EPOR: variants seen among roughly 807,000 people sequenced by gnomAD.
EPOR encodes the protein erythropoietin receptor.
Under a neutral mutation model 34.3 loss-of-function variants are expected in EPOR, and 20 were observed. The observed-to-expected ratio is 0.58, with a 90% CI of 0.41 to 0.85. The LOEUF (loss-of-function observed/expected upper bound fraction) is 0.85, where lower values mean the gene tolerates loss of function less well. Ranked by LOEUF, EPOR falls within the 40% of genes least tolerant of loss-of-function variation. The probability of loss-of-function intolerance (pLI) is 0.00; values close to 1 mark genes in which losing one functional copy is unlikely to be tolerated. For synonymous variants in EPOR, 312 were observed against 299.0 expected (o/e 1.04, Z -0.45); for missense variants, 601 against 672.7 (o/e 0.89, Z 1.18).
intron 6 of EPOR, 97 bp downstream of exon 6, chr19:11,380,787 G>A: frequency 1.0e-6 from 1 of 990,488 alleles, no homozygotes; most frequent in Admixed American, 2.0e-5. Context: ...CGTGACCTTG[G>A]GCAAGTGCGT....
intron 2 of EPOR, chr19:11,382,837 A>G (rs1356032746): frequency 1.4e-5 from 21 of 1,471,534 alleles, no homozygotes; most frequent in Non-Finnish European, 1.8e-5. Flanking sequence ...CCGACGTAGT[A>G]ACGCCTTACC....
rs755572218 is a variant in EPOR at position 11,384,139 on chromosome 19, G to A, written c.69C>T (p.Ala23=). ...CCGGGAGGTTAGGCGGGGGCGCCCAGGCGGCCCCAGCGAGCAGGAGACAAA... is the reference window on the plus strand; with the variant it reads ...CCGGGAGGTTAGGCGGGGGCGCCCAAGCGGCCCCAGCGAGCAGGAGACAAA... ...GSLCLLLAGA[A]WAPPPNLPDP... The change falls in exon 1 of 8, where the codon GCC becomes GCT. Residue 23 remains alanine, a synonymous_variant. Transcript: ENST00000222139. 32 of 1,550,202 alleles carry A rather than the reference G, an allele frequency of 2.1e-5. No individual in the cohort carries two copies. The highest frequency in any genetic ancestry group is 1.0e-5 in the Non-Finnish European group (12 of 1,146,724).
rs890560691 is a variant in EPOR, at chr19:11,384,264, G to A, written c.-57C>T. 7 of 1,197,208 alleles carry A rather than the reference G, an allele frequency of 5.8e-6. No homozygotes were observed. Among genetic ancestry groups the A allele is most frequent in the Non-Finnish European group, 8.4e-6 (7 of 837,044 alleles). 74.2% of individuals were successfully genotyped at this position (1,197,208 alleles called of 1,614,324 possible). On this transcript the variant is annotated 5_prime_UTR_variant, in exon 1 of 8. Coordinates refer to ENST00000222139, the MANE Select transcript of EPOR (RefSeq NM_000121.4). ...TCCTGCCCCTCCGTCCCCCGCCCCC[G>A]GCACAGTCCACAGCTGGGTCAGCAG...
chr19:11,381,025 G>C lies in EPOR; in HGVS notation c.739+31C>G. 1 of 1,581,358 alleles carries C rather than the reference G, an allele frequency of 6.3e-7. No homozygotes were observed. The highest frequency in any genetic ancestry group is 8.6e-7 in the Non-Finnish European group (1 of 1,163,242). ...TGGGCTTGCCCCGTGATTCGCCCTG[G>C]CTCCTCCTACACCCCCGCCTGGGGC... On this transcript the variant is annotated intron_variant, in intron 5 of 7. Transcript: ENST00000222139. The surrounding 1 kb of genome is among the most constrained non-coding windows in gnomAD (Gnocchi z 5.3).
rs951996123 is a variant in EPOR, at chr19:11,381,235, C to A, written c.586-26G>T. The A allele has an allele frequency of 4.5e-6, 7 of 1,548,560 alleles. No homozygotes were observed. Among genetic ancestry groups the A allele is most frequent in the East Asian group, 2.4e-5 (1 of 40,912 alleles). Reference sequence around the variant, plus strand: ...CTGGGGGCGGAATCAGGGCGAGGGACGCGTAGCAGACAAAAATAGATGACG... The same window carrying A: ...CTGGGGGCGGAATCAGGGCGAGGGAAGCGTAGCAGACAAAAATAGATGACG... On this transcript the variant is annotated intron_variant, in intron 4 of 7. Coordinates refer to ENST00000222139, the MANE Select transcript of EPOR (RefSeq NM_000121.4). This position sits in a 1 kb window ranked among gnomAD's most constrained non-coding sequence, Gnocchi z 5.3.
At position 11,381,556 on chromosome 19, in the gene EPOR, G is replaced by A. The variant is rs187912731; in HGVS notation, c.585+136C>T. The A allele has an allele frequency of 2.2e-6, 2 of 921,528 alleles. No individual in the cohort carries two copies. Among genetic ancestry groups the A allele is most frequent in the Admixed American group, 2.4e-5 (1 of 40,952 alleles). The allele number at this position is 921,528 out of a possible 1,614,324, so 57.1% of individuals were successfully genotyped here. ...GGGGTGTGTCTGTGGGCGTGGAACG[G>A]TCTTCAGCACCAGGGTAATGGGATG... On this transcript the variant is annotated intron_variant, in intron 4 of 7. Transcript: ENST00000222139. The surrounding 1 kb of genome is among the most constrained non-coding windows in gnomAD (Gnocchi z 5.3).
rs764073509 is a variant in EPOR at position 11,378,230 on chromosome 19, A to G, written c.1281T>C (p.Thr427=). ...AGAGCTGGGAGCTGGGGTCCAGGAT[A>G]GTGTACTCAAAGCTGGCAGCAGAGG... The part of the protein sequence containing the change: ...EGASAASFEY[T]ILDPSSQLLR... The change falls in exon 8 of 8, where the codon ACT becomes ACC. Residue 427 remains threonine, a synonymous_variant. Transcript: ENST00000222139. This position sits in a 1 kb window ranked among gnomAD's most constrained non-coding sequence, Gnocchi z 5.3. 1 of 1,614,146 alleles carries G rather than the reference A, an allele frequency of 6.2e-7. No homozygotes were observed. The highest frequency in any genetic ancestry group is 8.5e-7 in the Non-Finnish European group (1 of 1,180,020).
rs1169353542 is a variant in EPOR at position 11,381,723 on chromosome 19, G to A, written c.554C>T (p.Ser185Leu). The change falls in exon 4 of 8, where the codon TCG becomes TTG. Residue 185 changes from serine to leucine, a missense_variant. Coordinates refer to ENST00000222139, the MANE Select transcript of EPOR (RefSeq NM_000121.4). The surrounding 1 kb of genome is among the most constrained non-coding windows in gnomAD (Gnocchi z 5.3). Reference protein sequence around the residue: ...TSHIRYEVDVSAGNGAGSVQR... With the variant: ...TSHIRYEVDVLAGNGAGSVQR... Reference sequence around the variant, plus strand: ...TACGCTCCCTGCGCCGTTGCCGGCCGAGACGTCCACCTCGTAGCGGATGTG... The same window carrying A: ...TACGCTCCCTGCGCCGTTGCCGGCCAAGACGTCCACCTCGTAGCGGATGTG... 6.2e-7 allele frequency: 1 copy of A among 1,611,468 alleles called. No individual in the cohort carries two copies. The highest frequency in any genetic ancestry group is 1.3e-5 in the African/African-American group (1 of 75,000).
At position 11,381,267 on chromosome 19, in the gene EPOR, CGGGCCCTGGT is replaced by C. The variant is rs1212439254; in HGVS notation, c.586-68_586-59del. 3 of 1,536,658 alleles carry C rather than the reference CGGGCCCTGGT, an allele frequency of 2.0e-6. No homozygotes were observed. The highest frequency in any genetic ancestry group is 2.6e-6 in the Non-Finnish European group (3 of 1,137,110). ...CAGACAAAAATAGATGACGTGGGGG[CGGGCCCTGGT>C]GGAACTGAGCCAATCAGGGGAAAGG... On this transcript the variant is annotated intron_variant, in intron 4 of 7. Transcript: ENST00000222139. This position sits in a 1 kb window ranked among gnomAD's most constrained non-coding sequence, Gnocchi z 5.3.
In EPOR at chr19:11,378,579, T is replaced by C. The variant is rs752284960; in HGVS notation, c.932A>G (p.Asn311Ser). ...GGGGCTCCACCACAGGCAGCCATCA[T>C]TCTGGTACAGCCACAGCTGAAGAAA... ...KGNFQLWLYQ[N>S]DGCLWWSPCT... is the part of the protein sequence containing the mutation. Residue 311 changes from asparagine (N) to serine (S), a missense_variant, in exon 8 of 8, where the codon AAT becomes AGT. By Grantham distance (46) the Asn-to-Ser change is conservative. Coordinates refer to ENST00000222139, the MANE Select transcript of EPOR (RefSeq NM_000121.4). The surrounding 1 kb of genome is among the most constrained non-coding windows in gnomAD (Gnocchi z 5.3). The C allele has an allele frequency of 1.2e-6, 2 of 1,614,184 alleles. No homozygotes were observed. Among genetic ancestry groups the C allele is most frequent in the East Asian group, 2.2e-5 (1 of 44,884 alleles).
Position 11,382,059 on chromosome 19 carries a change from G to A in EPOR, c.298C>T (p.Arg100Cys), listed in dbSNP as rs754199429. The A allele has an allele frequency of 3.1e-6, 5 of 1,614,096 alleles. No homozygotes were observed. Among genetic ancestry groups the A allele is most frequent in the Admixed American group, 1.7e-5 (1 of 60,020 alleles). Reference protein sequence around the residue: ...LCRLHQAPTARGAVRFWCSLP... With the variant: ...LCRLHQAPTACGAVRFWCSLP... ...GAACACCAGAAGCGCACCGCACCAC[G>A]AGCCGTGGGAGCCTGGTGCAGGCGA... is the stretch of plus-strand genomic sequence containing the variant. Residue 100 changes from arginine to cysteine, a missense_variant, in exon 3 of 8, where the codon CGT becomes TGT. Arg to Cys is a radical substitution (Grantham distance 180, BLOSUM62 -3). Coordinates refer to ENST00000222139, the MANE Select transcript of EPOR (RefSeq NM_000121.4).
rs530287783 is a variant in EPOR at position 11,377,700 on chromosome 19, A to G, written c.*284T>C. 23 of 596,134 alleles carry G rather than the reference A, an allele frequency of 3.9e-5. No individual in the cohort carries two copies. The highest frequency in any genetic ancestry group is 3.6e-4 in the African/African-American group (20 of 54,976). 36.9% of individuals were successfully genotyped at this position (596,134 alleles called of 1,614,324 possible). On this transcript the variant is annotated 3_prime_UTR_variant, in exon 8 of 8. Transcript: ENST00000222139. ...CTCAAGAACTTTAACTTCTATCCCT[A>G]TGGCCTATGCCCAGGGGAAGATGGG...
At position 11,381,683 on chromosome 19, in the gene EPOR, T is replaced by C; in HGVS notation, c.585+9A>G. On this transcript the variant is annotated intron_variant, in intron 4 of 7. Coordinates refer to ENST00000222139, the MANE Select transcript of EPOR (RefSeq NM_000121.4). The surrounding 1 kb of genome is among the most constrained non-coding windows in gnomAD (Gnocchi z 5.3). ...GCTTTGGGGGCTGGGCCGTAGGGGC[T>C]GGCCTCACCCTCTGTACGCTCCCTG... The C allele has an allele frequency of 1.2e-6, 2 of 1,600,758 alleles. No individual in the cohort carries two copies. Among genetic ancestry groups the C allele is most frequent in the East Asian group, 4.5e-5 (2 of 43,992 alleles).
chr19:11,382,503 A>G (rs1365423257), intron 2 of EPOR, among the ~76,000 whole-genome samples: 1 of 151,936 alleles, frequency 6.6e-6, no homozygotes. Context: ...AGCTGGGATC[A>G]CAGGCATGCG....
In EPOR at chr19:11,377,406, A is replaced by C; in HGVS notation, c.*578T>G. ...CCAGGCCAGATCCCTCAAATGGCCC[A>C]TTGAGGGTCATTGCTGCCCTTTTTC... On this transcript the variant is annotated 3_prime_UTR_variant, in exon 8 of 8. Coordinates refer to ENST00000222139, the MANE Select transcript of EPOR (RefSeq NM_000121.4). 1 of 454,046 alleles carries C rather than the reference A, an allele frequency of 2.2e-6. No individual in the cohort carries two copies. The allele number at this position is 454,046 out of a possible 1,614,324, so 28.1% of individuals were successfully genotyped here.
chr19:11,380,554 C>T (rs923169267), intron 6 of EPOR, among the ~76,000 whole-genome samples: 2 of 152,134 alleles, frequency 1.3e-5, no homozygotes, highest in African/African-American at 2.4e-5. Context: ...CGCAGGGGTG[C>T]GGAGGCATTC....
In EPOR at chr19:11,381,803, C is replaced by T. The variant is rs775300179; in HGVS notation, c.474G>A (p.Glu158=). 6.2e-6 allele frequency: 10 copies of T among 1,613,820 alleles called. No homozygotes were observed. The highest frequency in any genetic ancestry group is 2.2e-5 in the South Asian group (2 of 91,066). The change falls in exon 4 of 8, where the codon GAG becomes GAA. Residue 158 remains glutamate (E), a synonymous_variant. Coordinates refer to ENST00000222139, the MANE Select transcript of EPOR (RefSeq NM_000121.4). The surrounding 1 kb of genome is among the most constrained non-coding windows in gnomAD (Gnocchi z 5.3). ...GCCAGCGCAACACTACGTGGCCGCT[C>T]TCGTCAGCCAACCGCGCCACCAGCC... ...PVGLVARLAD[E]SGHVVLRWLP...
At position 11,379,764 on chromosome 19, in the gene EPOR, G is replaced by A. The variant is rs146537963; in HGVS notation, c.828-986C>T. Among the ~76,000 whole-genome samples the A allele has an allele frequency of 6.6e-4, 99 of 150,892 alleles. 1 individual carries two copies. The East Asian group carries it at 0.015, about 22-fold the overall frequency. On this transcript the variant is annotated intron_variant, in intron 6 of 7. Transcript: ENST00000222139. Reference sequence around the variant, plus strand: ...TGCCCAGGCTGGAATGCGATGGCACGATCTCGGCTCACCCGCAACCTCCAC... The same window carrying A: ...TGCCCAGGCTGGAATGCGATGGCACAATCTCGGCTCACCCGCAACCTCCAC...
At position 11,381,185 on chromosome 19, in the gene EPOR, C is replaced by A; in HGVS notation, c.610G>T (p.Glu204Ter). Residue 204 changes from glutamate (E) to a stop codon, truncating the protein, a stop_gained, in exon 5 of 8, where the codon GAG becomes TAG. Transcript: ENST00000222139. LOFTEE classifies it high-confidence loss of function. This position sits in a 1 kb window ranked among gnomAD's most constrained non-coding sequence, Gnocchi z 5.3. ...CCCCGCAGGTTGCTCAGCACACACT[C>A]GGTGCGGCCCTCCAGGATCTCCACC... Reference protein sequence around the residue: ...QRVEILEGRTECVLSNLRGRT... With the variant: ...QRVEILEGRT 6.4e-7 allele frequency: 1 copy of A among 1,550,390 alleles called. No individual in the cohort carries two copies. Among genetic ancestry groups the A allele is most frequent in the South Asian group, 1.2e-5 (1 of 84,206 alleles).
Sources: allele counts gnomAD v4.1 joint callset (sites outside exome capture counted in the v4.1 genomes callset), GRCh38; gene constraint gnomAD v4.1.1; non-coding constraint Gnocchi (gnomAD v3.1); transcripts MANE v1.5; gene names NCBI Gene and HGNC (gene_info 2026-07-23, HGNC 2026-07-21).